PHACTR3: variants seen among roughly 807,000 people sequenced by gnomAD.
PHACTR3 encodes the protein phosphatase and actin regulator 3, also known as protein phosphatase 1, regulatory subunit 123.
In PHACTR3, 16 loss-of-function variants were observed where a neutral mutation model predicts 66.8. The ratio of observed to expected loss-of-function variants is 0.24; its 90% confidence interval spans 0.16 to 0.36. The LOEUF (loss-of-function observed/expected upper bound fraction) is 0.36. PHACTR3 is among the 10% of genes least tolerant of loss of function. The pLI, the probability that PHACTR3 is intolerant of heterozygous loss-of-function variation, is 1.00. For synonymous variants in PHACTR3, 323 were observed against 292.1 expected (o/e 1.11, Z -1.08); for missense variants, 647 against 719.9 (o/e 0.90, Z 1.16).
chr20:59,770,817 C>T (rs1042764091), intron 5 of PHACTR3, among the ~76,000 whole-genome samples: 1 of 152,184 alleles, frequency 6.6e-6, no homozygotes, highest in Non-Finnish European at 1.5e-5. Flanking sequence ...GCGTTTACCC[C>T]TCTCCCTTTT....
chr20:59,588,165 C>T (rs1208967144), intron 1 of PHACTR3, among the ~76,000 whole-genome samples: 1 of 152,194 alleles, frequency 6.6e-6, no homozygotes, highest in African/African-American at 2.4e-5. Context: ...CACAGTAAAA[C>T]AGACAACCTC....
intron 1 of PHACTR3, among the ~76,000 whole-genome samples, chr20:59,710,331 A>T (rs1484190361): frequency 6.6e-6 from 1 of 152,186 alleles, no homozygotes; most frequent in Non-Finnish European, 1.5e-5. Context: ...GACCTCAGGA[A>T]GGATGGGGCT....
At chr20:59,587,738 AGCTGGGGCTGGAGCCGGGGCTGGG>A (rs2033073670) in intron 1 of PHACTR3, among the ~76,000 whole-genome samples, 1 of 149,946 alleles carries the variant, frequency 6.7e-6, no homozygotes, top group Non-Finnish European at 1.5e-5. Context: ...TGTCAGCTGG[AGCTGGGGCTGGAGCCGGGGCTGGG>A]GCTGGGGCTG....
At chr20:59,705,787 G>T (rs1384861124) in intron 1 of PHACTR3, among the ~76,000 whole-genome samples, 1 of 152,210 alleles carries the variant, frequency 6.6e-6, no homozygotes, top group Non-Finnish European at 1.5e-5. Context: ...CCTGCAGGCT[G>T]TGAGCCCAAG....
intron 10 of PHACTR3, among the ~76,000 whole-genome samples, chr20:59,840,661 T>G (rs559909516): frequency 2.6e-4 from 39 of 152,316 alleles, no homozygotes; most frequent in African/African-American, 9.1e-4. Flanking sequence ...CTTGGAGAGG[T>G]GCACAATGCA....
chr20:59,838,112 T>C (rs1007277586), intron 9 of PHACTR3, among the ~76,000 whole-genome samples: 1 of 152,208 alleles, frequency 6.6e-6, no homozygotes, highest in African/African-American at 2.4e-5. Context: ...CCATAAACAC[T>C]GTGCCTTCAT....
At position 59,818,485 on chromosome 20, in the gene PHACTR3, G is replaced by A. The variant is rs1321653268; in HGVS notation, c.1328+12291G>A. Among the ~76,000 whole-genome samples the A allele has an allele frequency of 2.0e-5, 3 of 152,344 alleles. No individual in the cohort carries two copies. In the East Asian group the frequency reaches 5.8e-4, roughly 29 times the overall value. ...ACACCACATGCTTCACGCACTTTAAGTGTCCAATTCAGGGCTTCCAACATA... is the reference window on the plus strand; with the variant it reads ...ACACCACATGCTTCACGCACTTTAAATGTCCAATTCAGGGCTTCCAACATA... On this transcript the variant is annotated intron_variant, in intron 8 of 12. Coordinates refer to ENST00000371015, the MANE Select transcript of PHACTR3 (RefSeq NM_080672.5).
chr20:59,606,307 C>CG (rs368025731), intron 1 of PHACTR3, among the ~76,000 whole-genome samples: 1 of 151,978 alleles, frequency 6.6e-6, no homozygotes, highest in African/African-American at 2.4e-5. Context: ...GATCCCTCCC[C>CG]CCCCCATTTG....
chr20:59,592,933 A>G (rs2033226885), intron 1 of PHACTR3, among the ~76,000 whole-genome samples: 1 of 152,214 alleles, frequency 6.6e-6, no homozygotes, highest in African/African-American at 2.4e-5. Context: ...AATTTTGACA[A>G]TTATGAATAA....
intron 1 of PHACTR3, among the ~76,000 whole-genome samples, chr20:59,712,811 C>T (rs1178188132): frequency 6.6e-6 from 1 of 152,152 alleles, no homozygotes; most frequent in Non-Finnish European, 1.5e-5. Context: ...CAGCTTCAAC[C>T]CAAGTTAATT....
At chr20:59,801,115 A>G (rs1032830841) in intron 7 of PHACTR3, among the ~76,000 whole-genome samples, 2 of 152,080 alleles carry the variant, frequency 1.3e-5, no homozygotes, top group African/African-American at 4.8e-5. Flanking sequence ...CTTACTATGC[A>G]ACTCTCTCCT....
intron 7 of PHACTR3, among the ~76,000 whole-genome samples, chr20:59,778,112 C>T (rs2040599967): frequency 6.6e-6 from 1 of 152,348 alleles, no homozygotes; most frequent in South Asian, 2.1e-4. Context: ...CCAACTCCCT[C>T]TTCTCTGGCA....
chr20:59,839,617 C>T (rs912346706), intron 9 of PHACTR3, among the ~76,000 whole-genome samples: 4 of 152,132 alleles, frequency 2.6e-5, no homozygotes, highest in African/African-American at 4.8e-5. Flanking sequence ...GGGAAGCTTA[C>T]GTTTTATACT....
At chr20:59,621,281 T>C (rs900772351) in intron 1 of PHACTR3, among the ~76,000 whole-genome samples, 3 of 152,218 alleles carry the variant, frequency 2.0e-5, no homozygotes, top group African/African-American at 7.2e-5. Context: ...GCACATAGAC[T>C]GATGTAGCCG....
At chr20:59,798,990 CA>C (rs1264380002) in intron 7 of PHACTR3, among the ~76,000 whole-genome samples, 1 of 151,930 alleles carries the variant, frequency 6.6e-6, no homozygotes, top group Non-Finnish European at 1.5e-5. Context: ...ATTGTATTTT[CA>C]TTTGTTTCAA....
chr20:59,789,794 T>A (rs1320938544), intron 7 of PHACTR3, among the ~76,000 whole-genome samples: 1 of 152,164 alleles, frequency 6.6e-6, no homozygotes, highest in Non-Finnish European at 1.5e-5. Flanking sequence ...AGTTGGGGAA[T>A]CCCTGCCACC....
chr20:59,587,537 C>A (rs111505722), intron 1 of PHACTR3, among the ~76,000 whole-genome samples: 113 of 152,354 alleles, frequency 7.4e-4, no homozygotes, highest in African/African-American at 2.5e-3. Flanking sequence ...AAAGCATCAC[C>A]GATTTATTGC....
At chr20:59,725,641 C>T (rs1348260851) in intron 1 of PHACTR3, among the ~76,000 whole-genome samples, 1 of 152,188 alleles carries the variant, frequency 6.6e-6, no homozygotes, top group African/African-American at 2.4e-5. Flanking sequence ...GAAGCTGGCA[C>T]CAGTGCTGGG....
intron 9 of PHACTR3, 129 bp from the exon 10 acceptor site, chr20:59,840,238 CAT>C (rs2059033911): frequency 7.2e-7 from 1 of 1,392,320 alleles, no homozygotes; most frequent in South Asian, 1.5e-5. Flanking sequence ...AAGAAAACAC[CAT>C]GAGTGATGTG....
Sources: allele counts gnomAD v4.1 joint callset (sites outside exome capture counted in the v4.1 genomes callset), GRCh38; gene constraint gnomAD v4.1.1; transcripts MANE v1.5; gene names NCBI Gene and HGNC (gene_info 2026-07-23, HGNC 2026-07-21).